CHD9: variants seen among roughly 807,000 people sequenced by gnomAD.
CHD9 encodes ATP-dependent chromatin remodeler CHD9.
A neutral mutation model predicts 316.1 loss-of-function variants in CHD9; 77 were observed. The observed-to-expected ratio is 0.24, with a 90% confidence interval of 0.20 to 0.29. The LOEUF is 0.29. Among genes scored for constraint, CHD9 ranks in the 10% least tolerant of loss-of-function variants. The probability of loss-of-function intolerance (pLI) is 1.00; values close to 1 mark genes in which losing one functional copy is unlikely to be tolerated. For missense variants in CHD9, 2,763 were observed against 3,438.1 expected (o/e 0.80, Z 4.91); for synonymous variants, 1,129 against 1,158.3 (o/e 0.97, Z 0.51).
At chr16:53,164,728 A>T (rs935271315) in intron 2 of CHD9, among the ~76,000 whole-genome samples, 3 of 151,690 alleles carry the variant, frequency 2.0e-5, no homozygotes, top group African/African-American at 7.3e-5. Flanking sequence ...ATCTCAGCTC[A>T]TTGCAACCTC....
At chr16:53,261,357 G>GA (rs75286877) in intron 19 of CHD9, among the ~76,000 whole-genome samples, 2 of 91,080 alleles carry the variant, frequency 2.2e-5, no homozygotes, top group East Asian at 3.6e-4. Context: ...TGGTGTTTTA[G>GA]ACTTTTTTTT....
At chr16:53,182,398 A>G (rs1390062927) in intron 2 of CHD9, among the ~76,000 whole-genome samples, 2 of 152,040 alleles carry the variant, frequency 1.3e-5, no homozygotes, top group African/African-American at 4.8e-5. Context: ...GGGTCTTACT[A>G]TGTTGCCCAG....
chr16:53,124,189 A>C (rs149691069), intron 1 of CHD9, among the ~76,000 whole-genome samples: 109 of 152,344 alleles, frequency 7.2e-4, no homozygotes, highest in African/African-American at 2.3e-3. Context: ...TCCCACCAGC[A>C]GTGTACCAGG....
intron 26 of CHD9, among the ~76,000 whole-genome samples, chr16:53,287,244 T>A (rs999384118): frequency 6.6e-6 from 1 of 152,132 alleles, no homozygotes; most frequent in Non-Finnish European, 1.5e-5. Context: ...GTGCGGAGAT[T>A]ATAGGTGTGA....
intron 37 of CHD9, 119 bp downstream of exon 37, chr16:53,318,459 C>A: frequency 1.3e-6 from 1 of 765,754 alleles, no homozygotes; most frequent in South Asian, 2.2e-5. Flanking sequence ...TTGAATCTAT[C>A]AGATTTCTGA....
In CHD9 at chr16:53,326,226, A is replaced by G. The variant is rs563819249; in HGVS notation, c.*1331A>G. On this transcript the variant is annotated 3_prime_UTR_variant, in exon 39 of 39. Transcript: ENST00000447540. ...GGTAGAGGTCCAGGTTCACCTTTAT[A>G]TATATTTAAAACAATTAGTACTGAA... 6.6e-6 allele frequency: 1 copy of G among 152,570 alleles called. No homozygotes were observed. Among genetic ancestry groups the G allele is most frequent in the East Asian group, 1.9e-4 (1 of 5,190 alleles). The allele number at this position is 152,570 out of a possible 1,614,324, so 9.5% of individuals were successfully genotyped here.
chr16:53,290,469 A>G (rs1030201338), intron 27 of CHD9, among the ~76,000 whole-genome samples: 4 of 137,902 alleles, frequency 2.9e-5, no homozygotes, highest in African/African-American at 5.7e-5. Flanking sequence ...CTGTTTAACT[A>G]TTTTCTTAGA....
At chr16:53,176,277 A>C (rs1430270917) in intron 2 of CHD9, among the ~76,000 whole-genome samples, 2 of 152,202 alleles carry the variant, frequency 1.3e-5, no homozygotes, top group African/African-American at 4.8e-5. Context: ...TGGCTGGTCA[A>C]GTCTTTCTCA....
intron 3 of CHD9, among the ~76,000 whole-genome samples, 157 bp downstream of exon 3, chr16:53,209,970 G>GATA (rs1272130454): frequency 6.6e-6 from 1 of 152,114 alleles, no homozygotes; most frequent in Non-Finnish European, 1.5e-5. Flanking sequence ...GAATGAATTA[G>GATA]ATAATATTCC....
At chr16:53,132,005 G>GCACT (rs2152684175) in intron 1 of CHD9, among the ~76,000 whole-genome samples, 1 of 152,320 alleles carries the variant, frequency 6.6e-6, no homozygotes, top group East Asian at 1.9e-4. Context: ...CCAAAGCCAA[G>GCACT]CACTACCCGG....
At chr16:53,176,967 A>T (rs896013785) in intron 2 of CHD9, among the ~76,000 whole-genome samples, 9 of 151,918 alleles carry the variant, frequency 5.9e-5, no homozygotes, top group African/African-American at 9.7e-5. Context: ...TTATATATAT[A>T]TTTTTTGAGA....
At chr16:53,293,826 TA>T (rs1412529288) in intron 29 of CHD9, among the ~76,000 whole-genome samples, 3 of 152,074 alleles carry the variant, frequency 2.0e-5, no homozygotes, top group African/African-American at 7.2e-5. Flanking sequence ...TACGCACCTT[TA>T]ATCCCAGCTA....
intron 24 of CHD9, among the ~76,000 whole-genome samples, chr16:53,284,363 A>T (rs191538059): frequency 5.0e-4 from 76 of 151,524 alleles, no homozygotes; most frequent in Middle Eastern, 3.5e-3. Flanking sequence ...ATATATATAT[A>T]TAATATACAT....
intron 2 of CHD9, among the ~76,000 whole-genome samples, chr16:53,202,017 C>G (rs182190587): frequency 2.6e-4 from 38 of 146,454 alleles, no homozygotes; most frequent in Admixed American, 2.5e-3. Context: ...CACCATCACA[C>G]TTAGCTAAGT....
intron 3 of CHD9, among the ~76,000 whole-genome samples, chr16:53,219,636 T>C (rs1235508688): frequency 6.6e-6 from 1 of 152,230 alleles, no homozygotes; most frequent in African/African-American, 2.4e-5. Context: ...TTACACATTA[T>C]GATTTTTTAA....
chr16:53,319,330 T>C (rs897836159), intron 37 of CHD9, among the ~76,000 whole-genome samples: 2 of 152,202 alleles, frequency 1.3e-5, no homozygotes, highest in Non-Finnish European at 2.9e-5. Flanking sequence ...ACTGCTAGGA[T>C]AAAAATACCC....
chr16:53,215,278 G>A (rs2046661491), intron 3 of CHD9, among the ~76,000 whole-genome samples: 1 of 152,144 alleles, frequency 6.6e-6, no homozygotes, highest in African/African-American at 2.4e-5. Flanking sequence ...TTAATACGTA[G>A]CTAACAACTT....
In CHD9 at chr16:53,155,955, T is replaced by C; in HGVS notation, c.-135T>C. ...TTGACACTTCATGACATGTCATTATTTAGAGCAATAATGAATATTGACCTG... is the reference window on the plus strand; with the variant it reads ...TTGACACTTCATGACATGTCATTATCTAGAGCAATAATGAATATTGACCTG... On this transcript the variant is annotated 5_prime_UTR_variant, in exon 2 of 39. Transcript: ENST00000447540. 1 of 770,196 alleles carries C rather than the reference T, an allele frequency of 1.3e-6. No individual in the cohort carries two copies. Among genetic ancestry groups the C allele is most frequent in the Non-Finnish European group, 2.0e-6 (1 of 488,260 alleles). 47.7% of individuals were successfully genotyped at this position (770,196 alleles called of 1,614,324 possible). A position where few individuals can be genotyped will look rare whatever the true frequency, so the allele number is the denominator to read the frequency against.
intron 1 of CHD9, among the ~76,000 whole-genome samples, chr16:53,077,809 C>T (rs1046023878): frequency 3.3e-5 from 5 of 152,244 alleles, no homozygotes; most frequent in Non-Finnish European, 7.4e-5. Flanking sequence ...TGCAGTGGCT[C>T]ACCCCTGTAA....
Sources: allele counts gnomAD v4.1 joint callset (sites outside exome capture counted in the v4.1 genomes callset), GRCh38; gene constraint gnomAD v4.1.1; transcripts MANE v1.5; gene names NCBI Gene and HGNC (gene_info 2026-07-23, HGNC 2026-07-21).